ELOVL6: variants seen among roughly 807,000 people sequenced by gnomAD.
ELOVL6 encodes very long chain fatty acid elongase 6.
In ELOVL6, 8 loss-of-function variants were observed where a neutral mutation model predicts 31.7. That is an observed-to-expected ratio of 0.25 (90% confidence interval 0.15 to 0.45). The LOEUF (loss-of-function observed/expected upper bound fraction) is 0.45. ELOVL6 is among the 20% of genes least tolerant of loss of function. The pLI is 1.00. For missense variants in ELOVL6, 126 were observed against 326.4 expected (o/e 0.39, Z 4.73); for synonymous variants, 101 against 117.7 (o/e 0.86, Z 0.92).
intron 2 of ELOVL6, among the ~76,000 whole-genome samples, chr4:110,084,070 T>C (rs1337398609): frequency 2.4e-5 from 2 of 82,846 alleles, no homozygotes; most frequent in African/African-American, 7.6e-5. Flanking sequence ...ATATAACATA[T>C]ATATGCTATA....
chr4:110,113,300 C>T (rs1757088550), intron 1 of ELOVL6, among the ~76,000 whole-genome samples: 2 of 151,308 alleles, frequency 1.3e-5, no homozygotes, highest in South Asian at 4.2e-4. Context: ...ATATCAGTGA[C>T]TGGGCATGGT....
chr4:110,190,806 C>CTT (rs201577240), intron 1 of ELOVL6, among the ~76,000 whole-genome samples: 8 of 142,212 alleles, frequency 5.6e-5, no homozygotes, highest in African/African-American at 1.0e-4. Context: ...TGCCCGGCCA[C>CTT]TTTTTTTTTT....
intron 2 of ELOVL6, among the ~76,000 whole-genome samples, chr4:110,082,600 G>A (rs1427902218): frequency 6.6e-6 from 1 of 151,682 alleles, no homozygotes; most frequent in South Asian, 2.1e-4. Context: ...GTTGTGGGGT[G>A]GGGGTAGGGA....
At chr4:110,193,009 A>T (rs1054908578) in intron 1 of ELOVL6, among the ~76,000 whole-genome samples, 1 of 152,208 alleles carries the variant, frequency 6.6e-6, no homozygotes, top group East Asian at 1.9e-4. Flanking sequence ...ACTCTGTTCC[A>T]TAGTCACAGA....
intron 2 of ELOVL6, among the ~76,000 whole-genome samples, chr4:110,067,131 T>C (rs17041330): frequency 0.1 from 15,868 of 152,250 alleles, 1,065 homozygotes; most frequent in East Asian, 0.26. Flanking sequence ...AATCGGGGCA[T>C]AGGTTGTAAT....
At chr4:110,169,150 C>G (rs1758864922) in intron 1 of ELOVL6, among the ~76,000 whole-genome samples, 2 of 151,604 alleles carry the variant, frequency 1.3e-5, no homozygotes, top group African/African-American at 4.8e-5. Flanking sequence ...TTGGTAGAGA[C>G]AGGGTCCACC....
chr4:110,067,424 T>C (rs1234572563), intron 2 of ELOVL6, among the ~76,000 whole-genome samples: 1 of 152,166 alleles, frequency 6.6e-6, no homozygotes, highest in Non-Finnish European at 1.5e-5. Flanking sequence ...CACACTGCCA[T>C]AAAAAACTGC....
chr4:110,139,182 T>C (rs1757887491), intron 1 of ELOVL6, among the ~76,000 whole-genome samples: 1 of 152,150 alleles, frequency 6.6e-6, no homozygotes. Flanking sequence ...AAAACGTTTT[T>C]CTTCTATGAA....
At chr4:110,137,482 T>C (rs114596508) in intron 1 of ELOVL6, among the ~76,000 whole-genome samples, 3,967 of 152,284 alleles carry the variant, frequency 0.026, 173 homozygotes, top group African/African-American at 0.091. Context: ...TAGCCCCTTT[T>C]CAAGATTAGT....
chr4:110,131,507 G>A (rs1427091515), intron 1 of ELOVL6, among the ~76,000 whole-genome samples: 2 of 151,970 alleles, frequency 1.3e-5, no homozygotes, highest in African/African-American at 4.8e-5. Flanking sequence ...GCTCCAGCTG[G>A]TTTACTTGTT....
In ELOVL6 at chr4:110,176,239, T is replaced by C. The variant is rs1032897191; in HGVS notation, c.89+22008A>G. Among the ~76,000 whole-genome samples, 5 of 152,304 alleles carry C rather than the reference T, an allele frequency of 3.3e-5. No individual in the cohort carries two copies. The East Asian group carries it at 9.6e-4, about 29-fold the overall frequency. On this transcript the variant is annotated intron_variant, in intron 1 of 3. Coordinates refer to ENST00000302274, the MANE Select transcript of ELOVL6 (RefSeq NM_024090.3). ...ATGCAGTGGCGTGATCTTGGCTCAC[T>C]GCAACCTCCACCTCCCAGGTTCAAG...
At chr4:110,184,604 G>A (rs1759387257) in intron 1 of ELOVL6, among the ~76,000 whole-genome samples, 1 of 152,176 alleles carries the variant, frequency 6.6e-6, no homozygotes, top group African/African-American at 2.4e-5. Context: ...ACAATGGGAG[G>A]TAGGAATCTA....
chr4:110,047,443 G>T lies in ELOVL6; in HGVS notation c.*3895C>A, dbSNP rs12108641. On this transcript the variant is annotated 3_prime_UTR_variant, in exon 4 of 4. Coordinates refer to ENST00000302274, the MANE Select transcript of ELOVL6 (RefSeq NM_024090.3). The stretch of plus-strand genomic sequence containing the variant: ...GTACTATCAGAATAAAGAAAAAATA[G>T]TAACCTGAGCATCTTGTCTCTCCCA... 15,355 of 152,080 alleles carry T rather than the reference G, an allele frequency of 0.1. 872 individuals carry two copies. Among genetic ancestry groups the T allele is most frequent in the African/African-American group, 0.15 (6,077 of 41,476 alleles). The allele number at this position is 152,080 out of a possible 1,614,324, so 9.4% of individuals were successfully genotyped here. A position where few individuals can be genotyped will look rare whatever the true frequency, so the allele number is the denominator to read the frequency against.
At chr4:110,156,461 G>A (rs1026247640) in intron 1 of ELOVL6, among the ~76,000 whole-genome samples, 1 of 152,108 alleles carries the variant, frequency 6.6e-6, no homozygotes, top group Non-Finnish European at 1.5e-5. Flanking sequence ...CAAGGGTGGA[G>A]GATCACTTGA....
In ELOVL6 at chr4:110,051,257, G is replaced by C; in HGVS notation, c.*81C>G. On this transcript the variant is annotated 3_prime_UTR_variant, in exon 4 of 4. Transcript: ENST00000302274. The surrounding 1 kb of genome is among the most constrained non-coding windows in gnomAD (Gnocchi z 4.8). ...TTTTGTTTTGTTTTAGCTGCACCAC[G>C]TGTGATTCCTTGTGCCATTTTCTTT... 1 of 1,420,422 alleles carries C rather than the reference G, an allele frequency of 7.0e-7. No individual in the cohort carries two copies. Among genetic ancestry groups the C allele is most frequent in the East Asian group, 2.3e-5 (1 of 43,686 alleles). 88.0% of individuals were successfully genotyped at this position (1,420,422 alleles called of 1,614,324 possible). A position where few individuals can be genotyped will look rare whatever the true frequency, so the allele number is the denominator to read the frequency against.
At chr4:110,170,566 A>G (rs1365504128) in intron 1 of ELOVL6, among the ~76,000 whole-genome samples, 2 of 152,104 alleles carry the variant, frequency 1.3e-5, no homozygotes, top group East Asian at 3.9e-4. Flanking sequence ...TCTCTAAACA[A>G]ATGTCCTTTT....
In ELOVL6 at chr4:110,190,657, A is replaced by G. The variant is rs139099297; in HGVS notation, c.89+7590T>C. 8.3e-3 allele frequency among the ~76,000 whole-genome samples: 1,268 copies of G among 152,134 alleles called. 12 individuals are homozygous for G. The highest frequency in any genetic ancestry group is 0.029 in the African/African-American group (1,189 of 41,498). ...GTAGCTGGGATTACAGGCGCCCGCC[A>G]CCACGCCCGGCTAATTTTTGTAGTT... On this transcript the variant is annotated intron_variant, in intron 1 of 3. Transcript: ENST00000302274.
At chr4:110,193,052 G>T (rs1393366552) in intron 1 of ELOVL6, among the ~76,000 whole-genome samples, 1 of 152,148 alleles carries the variant, frequency 6.6e-6, no homozygotes, top group Non-Finnish European at 1.5e-5. Flanking sequence ...TCTTACAAAT[G>T]AATGTAGAAG....
chr4:110,059,586 T>C lies in ELOVL6; in HGVS notation c.373+17A>G, dbSNP rs372299730. The C allele has an allele frequency of 6.2e-6, 10 of 1,606,100 alleles. No homozygotes were observed. In the African/African-American group the frequency reaches 1.2e-4, roughly 19 times the overall value. ...TTGCTACAAAGAGAGGGAGAGGAAA[T>C]GGAAGAAGATACTCACCTAGTTCGG... On this transcript the variant is annotated intron_variant, in intron 3 of 3. Coordinates refer to ENST00000302274, the MANE Select transcript of ELOVL6 (RefSeq NM_024090.3).
Sources: gnomAD v4.1 joint callset for allele counts (sites outside exome capture counted in the v4.1 genomes callset) on GRCh38, gnomAD v4.1.1 for gene constraint, Gnocchi (gnomAD v3.1) non-coding constraint, MANE v1.5 for transcripts, NCBI Gene and HGNC (gene_info 2026-07-23, HGNC 2026-07-21) for gene names.